ROBO1: variants seen among roughly 807,000 people sequenced by gnomAD.
The protein encoded by ROBO1 is roundabout guidance receptor 1.
Under a neutral mutation model 195.9 loss-of-function variants are expected in ROBO1, and 149 were observed. That is an observed-to-expected ratio of 0.76 (90% CI 0.67 to 0.87). The LOEUF (loss-of-function observed/expected upper bound fraction) is 0.87. ROBO1 is among the 40% of genes least tolerant of loss of function. The pLI, the probability that ROBO1 is intolerant of heterozygous loss-of-function variation, is 0.00. For synonymous variants in ROBO1, 816 were observed against 733.2 expected (o/e 1.11, Z -1.82); for missense variants, 1,933 against 2,068.3 (o/e 0.93, Z 1.27).
At chr3:79,075,708 G>T (rs527520968) in intron 3 of ROBO1, among the ~76,000 whole-genome samples, 1 of 151,896 alleles carries the variant, frequency 6.6e-6, no homozygotes, top group Non-Finnish European at 1.5e-5. Flanking sequence ...GTCAGGTCCA[G>T]AGGAATTCTG....
chr3:78,879,152 T>A (rs2036030046), intron 4 of ROBO1, among the ~76,000 whole-genome samples: 1 of 152,218 alleles, frequency 6.6e-6, no homozygotes, highest in Non-Finnish European at 1.5e-5. Context: ...TGATTTATGC[T>A]AAGTTGGACT....
chr3:79,522,330 C>G (rs1559962256), intron 2 of ROBO1, among the ~76,000 whole-genome samples: 2 of 134,810 alleles, frequency 1.5e-5, no homozygotes, highest in Non-Finnish European at 3.2e-5. Flanking sequence ...AAGACTGTTA[C>G]TTTTTTTTTT....
intron 4 of ROBO1, among the ~76,000 whole-genome samples, chr3:78,930,513 G>A (rs776106167): frequency 1.8e-4 from 27 of 152,236 alleles, no homozygotes; most frequent in Non-Finnish European, 1.9e-4. Context: ...ATACTTTCTC[G>A]GGATGGTGAT....
At chr3:79,393,313 C>T (rs1352664760) in intron 2 of ROBO1, among the ~76,000 whole-genome samples, 1 of 152,156 alleles carries the variant, frequency 6.6e-6, no homozygotes, top group East Asian at 1.9e-4. Flanking sequence ...GGATATCATT[C>T]TTCAATAACT....
At chr3:78,705,540 T>C (rs964472281) in intron 8 of ROBO1, among the ~76,000 whole-genome samples, 6 of 152,102 alleles carry the variant, frequency 3.9e-5, no homozygotes, top group African/African-American at 1.4e-4. Flanking sequence ...ACACAGAAAA[T>C]GTTACAAGAA....
intron 3 of ROBO1, among the ~76,000 whole-genome samples, chr3:79,035,861 A>G (rs910509342): frequency 6.6e-6 from 1 of 152,192 alleles, no homozygotes; most frequent in East Asian, 1.9e-4. Context: ...TTACTGCACA[A>G]ACAAAACTAT....
At chr3:79,468,232 C>G (rs1938078309) in intron 2 of ROBO1, among the ~76,000 whole-genome samples, 2 of 152,216 alleles carry the variant, frequency 1.3e-5, no homozygotes, top group African/African-American at 4.8e-5. Context: ...CCTAAAGTGC[C>G]TGATGCTGAG....
At chr3:78,714,994 G>A (rs10049102) in intron 7 of ROBO1, 1 of 152,272 alleles carries the variant, frequency 6.6e-6, no homozygotes, top group East Asian at 1.9e-4. Flanking sequence ...CGGTGGCAGA[G>A]TCGAAATTTG....
chr3:79,646,325 A>G (rs973023274), intron 1 of ROBO1, among the ~76,000 whole-genome samples: 12 of 152,086 alleles, frequency 7.9e-5, no homozygotes, highest in Non-Finnish European at 1.0e-4. Context: ...AAATAACTAA[A>G]CGTCAGAGAA....
intron 2 of ROBO1, among the ~76,000 whole-genome samples, chr3:79,350,386 C>T (rs536991132): frequency 2.0e-5 from 3 of 152,228 alleles, no homozygotes; most frequent in East Asian, 1.9e-4. Context: ...AACCACTGTC[C>T]GTTCCTCAAG....
intron 2 of ROBO1, among the ~76,000 whole-genome samples, chr3:79,446,871 T>A (rs1032880161): frequency 3.9e-5 from 6 of 152,244 alleles, no homozygotes; most frequent in Non-Finnish European, 8.8e-5. Context: ...TCACCTAGGC[T>A]GGAGTGCAGT....
Position 78,612,840 on chromosome 3 carries a change from T to C in ROBO1, c.4435+1808A>G, listed in dbSNP as rs1304611745. Among the ~76,000 whole-genome samples the C allele has an allele frequency of 3.9e-5, 6 of 152,212 alleles. No homozygotes were observed. The East Asian group carries it at 9.6e-4, about 24-fold the overall frequency. On this transcript the variant is annotated intron_variant, in intron 28 of 30. Transcript: ENST00000464233. Reference sequence around the variant, plus strand: ...TATACACTATCATAATTTTGCATAATCACTTTTGCGGAATGAGCAATTAGA... The same window carrying C: ...TATACACTATCATAATTTTGCATAACCACTTTTGCGGAATGAGCAATTAGA...
intron 2 of ROBO1, among the ~76,000 whole-genome samples, chr3:79,577,934 A>AAAACAAG (rs1450915991): frequency 9.2e-5 from 14 of 152,088 alleles, no homozygotes; most frequent in Admixed American, 2.6e-4. Context: ...CAAAAAACAA[A>AAAACAAG]AAAACCCAAA....
At chr3:79,618,954 C>G (rs953468661) in intron 1 of ROBO1, among the ~76,000 whole-genome samples, 6 of 152,194 alleles carry the variant, frequency 3.9e-5, no homozygotes, top group Non-Finnish European at 7.4e-5. Context: ...CAGCGCCAGT[C>G]ACGAACTCAG....
intron 2 of ROBO1, among the ~76,000 whole-genome samples, chr3:79,322,470 G>A (rs976653624): frequency 6.6e-6 from 1 of 152,184 alleles, no homozygotes; most frequent in African/African-American, 2.4e-5. Context: ...CTTGGAGATT[G>A]TAAGAGAAGG....
intron 4 of ROBO1, among the ~76,000 whole-genome samples, chr3:78,897,625 C>A (rs552487636): frequency 6.2e-4 from 7 of 11,340 alleles, no homozygotes; most frequent in African/African-American, 1.8e-3. Flanking sequence ...TGGCTATCAG[C>A]CCTTTTTATT....
At chr3:79,494,638 G>C (rs755970540) in intron 2 of ROBO1, among the ~76,000 whole-genome samples, 3 of 151,874 alleles carry the variant, frequency 2.0e-5, no homozygotes, top group Non-Finnish European at 4.4e-5. Flanking sequence ...AAAGAGCAAA[G>C]GCAATTGCAC....
At chr3:79,604,492 T>A (rs1303943555) in intron 1 of ROBO1, among the ~76,000 whole-genome samples, 1 of 152,074 alleles carries the variant, frequency 6.6e-6, no homozygotes, top group Non-Finnish European at 1.5e-5. Flanking sequence ...TATTCTATTT[T>A]AGTCACTTTA....
intron 3 of ROBO1, among the ~76,000 whole-genome samples, chr3:78,957,242 T>G (rs866766817): frequency 6.6e-6 from 1 of 151,252 alleles, no homozygotes; most frequent in African/African-American, 2.4e-5. Flanking sequence ...ACTCGAAATA[T>G]ATGTACTAAA....
Sources: allele counts gnomAD v4.1 joint callset (sites outside exome capture counted in the v4.1 genomes callset), GRCh38; gene constraint gnomAD v4.1.1; transcripts MANE v1.5; gene names NCBI Gene and HGNC (gene_info 2026-07-23, HGNC 2026-07-21).